The following COL5A1 variants were observed in gnomAD, a reference collection of about 807,000 sequenced individuals.
COL5A1 encodes the protein collagen alpha-1(V) chain.
In COL5A1, 16 loss-of-function variants were observed where a neutral mutation model predicts 263.7. The ratio of observed to expected loss-of-function variants is 0.06; its 90% CI spans 0.04 to 0.09. COL5A1 has a LOEUF of 0.09. Ranked by LOEUF, COL5A1 falls within the 10% of genes least tolerant of loss-of-function variation. The pLI, the probability that COL5A1 is intolerant of heterozygous loss-of-function variation, is 1.00. For missense variants in COL5A1, 2,036 were observed against 2,540.5 expected (o/e 0.80, Z 4.27); for synonymous variants, 1,012 against 1,004.5 (o/e 1.01, Z -0.14).
At position 134,652,280 on chromosome 9, in the gene COL5A1, G is replaced by A. The variant is rs372597002; in HGVS notation, c.109+9984G>A. ...GCTGAAGGTTGAGAACACACAGGGC[G>A]TCCTTGGGCCGGTGTGGCGGTAACA... On this transcript the variant is annotated intron_variant, in intron 1 of 65. Transcript: ENST00000371817. The surrounding 1 kb of genome is among the most constrained non-coding windows in gnomAD (Gnocchi z 4.4). 4.6e-5 allele frequency among the ~76,000 whole-genome samples: 7 copies of A among 152,140 alleles called. No individual in the cohort carries two copies. Among genetic ancestry groups the A allele is most frequent in the Admixed American group, 2.6e-4 (4 of 15,270 alleles).
intron 37 of COL5A1, among the ~76,000 whole-genome samples, chr9:134,799,537 A>G (rs1838034328): frequency 6.6e-6 from 1 of 152,216 alleles, no homozygotes; most frequent in African/African-American, 2.4e-5. Flanking sequence ...CCAGGTTTCT[A>G]GGGATCAAGG....
chr9:134,774,171 A>G (rs975873613), intron 26 of COL5A1, among the ~76,000 whole-genome samples: 1 of 152,206 alleles, frequency 6.6e-6, no homozygotes, highest in Non-Finnish European at 1.5e-5. Flanking sequence ...TGTGCCAGGC[A>G]TCCTGTTAGC....
At chr9:134,690,286 CGACA>C (rs1381257748) in intron 1 of COL5A1, among the ~76,000 whole-genome samples, 2 of 149,336 alleles carry the variant, frequency 1.3e-5, no homozygotes, top group Non-Finnish European at 3.0e-5. Context: ...CATGGGAAGG[CGACA>C]GACAGTCCAG....
rs367707789 is a variant in COL5A1 at position 134,842,326 on chromosome 9, G to T, written c.*23G>T. The T allele has an allele frequency of 6.2e-7, 1 of 1,613,534 alleles. No homozygotes were observed. The highest frequency in any genetic ancestry group is 1.3e-5 in the African/African-American group (1 of 75,034). On this transcript the variant is annotated 3_prime_UTR_variant, in exon 66 of 66. Coordinates refer to ENST00000371817, the MANE Select transcript of COL5A1 (RefSeq NM_000093.5). The surrounding 1 kb of genome is among the most constrained non-coding windows in gnomAD (Gnocchi z 5.8). Reference sequence around the variant, plus strand: ...TAGGAGCCGCCGAGCCCGGGCTCCCGAGAGCAACCTCGTGACCTCAGCATG... The same window carrying T: ...TAGGAGCCGCCGAGCCCGGGCTCCCTAGAGCAACCTCGTGACCTCAGCATG...
rs1196540175 is a variant in COL5A1 at position 134,682,886 on chromosome 9, A to G, written c.110-8026A>G. Among the ~76,000 whole-genome samples the G allele has an allele frequency of 1.3e-5, 2 of 152,188 alleles. No homozygotes were observed. The highest frequency in any genetic ancestry group is 2.9e-5 in the Non-Finnish European group (2 of 68,026). ...AGCACATCATCCGGTGGGGACAGAC[A>G]GCCTGGGCTTCAAAGGCAGCCGACC... is the stretch of plus-strand genomic sequence containing the variant. On this transcript the variant is annotated intron_variant, in intron 1 of 65. Transcript: ENST00000371817. The surrounding 1 kb of genome is among the most constrained non-coding windows in gnomAD (Gnocchi z 5.1).
intron 11 of COL5A1, 132 bp downstream of exon 11, chr9:134,738,940 A>C (rs1588488832): frequency 1.3e-6 from 1 of 748,274 alleles, no homozygotes; most frequent in Non-Finnish European, 2.4e-6. Flanking sequence ...ATCCCCCCTC[A>C]CCCAGGCACT....
In COL5A1 at chr9:134,686,017, CATCCATTCATCCATCT is replaced by C. The variant is rs1833069262; in HGVS notation, c.110-4889_110-4874del. On this transcript the variant is annotated intron_variant, in intron 1 of 65. Transcript: ENST00000371817. This position sits in a 1 kb window ranked among gnomAD's most constrained non-coding sequence, Gnocchi z 4.6. ...CCACCCATCCATCCATTCATCCATC[CATCCATTCATCCATCT>C]ATCCACCATTCATTTATCCACTATC... 6.6e-6 allele frequency among the ~76,000 whole-genome samples: 1 copy of C among 152,198 alleles called. No homozygotes were observed. The highest frequency in any genetic ancestry group is 1.5e-5 in the Non-Finnish European group (1 of 68,034).
At chr9:134,697,789 G>A (rs1293710127) in intron 2 of COL5A1, among the ~76,000 whole-genome samples, 3 of 152,108 alleles carry the variant, frequency 2.0e-5, no homozygotes, top group Admixed American at 6.5e-5. Flanking sequence ...AGAGTCCCCC[G>A]CCCACATCCC....
chr9:134,701,141 G>A (rs1833658232), intron 3 of COL5A1, 30 bp from the exon 4 acceptor site: 3 of 1,612,878 alleles, frequency 1.9e-6, no homozygotes, highest in Non-Finnish European at 1.7e-6. Flanking sequence ...TGTGATCCAA[G>A]CCCTGTCTTC....
intron 23 of COL5A1, 69 bp downstream of exon 23, chr9:134,767,122 C>A: frequency 6.4e-7 from 1 of 1,558,910 alleles, no homozygotes; most frequent in South Asian, 1.1e-5. Context: ...CAGTCCGGAG[C>A]CCTGGGAGGA....
intron 1 of COL5A1, among the ~76,000 whole-genome samples, chr9:134,650,479 G>A (rs545760316): frequency 6.6e-6 from 1 of 152,360 alleles, no homozygotes; most frequent in South Asian, 2.1e-4. Context: ...CCTGTGCGGG[G>A]GGCACAGGTG....
rs2132800376 is a variant in COL5A1 at position 134,794,381 on chromosome 9, AC to A, written c.2701-700del. 6.6e-6 allele frequency among the ~76,000 whole-genome samples: 1 copy of A among 151,556 alleles called. No homozygotes were observed. Among genetic ancestry groups the A allele is most frequent in the East Asian group, 1.9e-4 (1 of 5,164 alleles). On this transcript the variant is annotated intron_variant, in intron 32 of 65. Coordinates refer to ENST00000371817, the MANE Select transcript of COL5A1 (RefSeq NM_000093.5). The surrounding 1 kb of genome is among the most constrained non-coding windows in gnomAD (Gnocchi z 4.3). ...GTCAAGTTCAGGAAGCTGAGTTGGG[AC>A]ACGGTGGGGGATGTAGGGGCCCCTG...
rs749088873 is a variant in COL5A1, at chr9:134,738,807, G to A, written c.1493G>A (p.Arg498Lys). 3 of 1,613,150 alleles carry A rather than the reference G, an allele frequency of 1.9e-6. No homozygotes were observed. Among genetic ancestry groups the A allele is most frequent in the Non-Finnish European group, 2.5e-6 (3 of 1,179,180 alleles). ...PTGQVGDPGERGPPGRPGLPG... is the reference protein window; with the variant it reads ...PTGQVGDPGEKGPPGRPGLPG... The stretch of plus-strand genomic sequence containing the variant: ...GGCCAAGTCGGGGACCCTGGAGAAA[G>A]GGTAAGAGGTTGACTGTGTTTCCTG... The change falls in exon 11 of 66, where the codon AGG becomes AAG. Residue 498 changes from arginine (R) to lysine (K), a missense_variant and splice_region_variant. Transcript: ENST00000371817.
chr9:134,669,138 C>A (rs1832449901), intron 1 of COL5A1, among the ~76,000 whole-genome samples: 1 of 151,752 alleles, frequency 6.6e-6, no homozygotes, highest in Non-Finnish European at 1.5e-5. Flanking sequence ...CCCATCCACC[C>A]TCCCTTCCAC....
intron 1 of COL5A1, among the ~76,000 whole-genome samples, chr9:134,654,101 T>C (rs1286835616): frequency 1.0e-5 from 1 of 97,996 alleles, no homozygotes; most frequent in Non-Finnish European, 2.0e-5. Context: ...TGTGTAGGAC[T>C]GGGAGTGTGT....
At chr9:134,667,064 G>A (rs1048305999) in intron 1 of COL5A1, among the ~76,000 whole-genome samples, 26 of 152,114 alleles carry the variant, frequency 1.7e-4, no homozygotes, top group African/African-American at 2.4e-4. Context: ...GCATAATGAC[G>A]AGCTTGTTTT....
At chr9:134,668,950 C>T (rs80276821) in intron 1 of COL5A1, among the ~76,000 whole-genome samples, 26,271 of 118,358 alleles carry the variant, frequency 0.22, 3,059 homozygotes, top group African/African-American at 0.33. Flanking sequence ...CTTCCACCCA[C>T]CCACCCATCC....
intron 2 of COL5A1, among the ~76,000 whole-genome samples, chr9:134,699,526 C>G (rs943647870): frequency 6.8e-6 from 1 of 147,004 alleles, no homozygotes; most frequent in African/African-American, 2.5e-5. Context: ...CCTCATGGAG[C>G]GTACTAAGAC....
Position 134,789,288 on chromosome 9 carries a change from C to T in COL5A1, c.2700+80C>T. 1 of 1,159,494 alleles carries T rather than the reference C, an allele frequency of 8.6e-7. No individual in the cohort carries two copies. The allele number at this position is 1,159,494 out of a possible 1,614,324, so 71.8% of individuals were successfully genotyped here. On this transcript the variant is annotated intron_variant, in intron 32 of 65. Transcript: ENST00000371817. This position sits in a 1 kb window ranked among gnomAD's most constrained non-coding sequence, Gnocchi z 4.8. The stretch of plus-strand genomic sequence containing the variant: ...GCAAGTTGGTTCTCCAGCCGACGGC[C>T]TGTTTATTTCTCACTCTCTTGCTTC...
Sources: gnomAD v4.1 joint callset for allele counts (sites outside exome capture counted in the v4.1 genomes callset) on GRCh38, gnomAD v4.1.1 for gene constraint, Gnocchi (gnomAD v3.1) non-coding constraint, MANE v1.5 for transcripts, NCBI Gene and HGNC (gene_info 2026-07-23, HGNC 2026-07-21) for gene names.